KDM6A: variants seen among roughly 807,000 people sequenced by gnomAD.
The protein encoded by KDM6A is lysine demethylase 6A.
A neutral mutation model predicts 117.6 loss-of-function variants in KDM6A; 11 were observed. The ratio of observed to expected loss-of-function variants is 0.09; its 90% CI spans 0.06 to 0.15. The LOEUF is 0.15. Ranked by LOEUF, KDM6A falls within the 10% of genes least tolerant of loss-of-function variation. The probability of loss-of-function intolerance (pLI) is 1.00; values close to 1 mark genes in which losing one functional copy is unlikely to be tolerated. For missense variants in KDM6A, 799 were observed against 1,077.3 expected, an observed-to-expected ratio of 0.74 and a Z score of 3.62; for synonymous variants, 384 against 396.1, an observed-to-expected ratio of 0.97 and a Z score of 0.36.
rs1272715795 is a variant in KDM6A at position 45,111,638 on chromosome X, C to T, written c.*227C>T. The T allele has an allele frequency of 5.2e-6, 2 of 383,908 alleles. No individual in the cohort carries two copies. Among genetic ancestry groups the T allele is most frequent in the Non-Finnish European group, 9.1e-6 (2 of 218,854 alleles). The allele number at this position is 383,908 out of a possible 1,213,427, so 31.6% of individuals were successfully genotyped here. A position where few individuals can be genotyped will look rare whatever the true frequency, so the allele number is the denominator to read the frequency against. ...TACTTCAGAAAAAAATAATAATTTC[C>T]ATGTTTTGTATATATCTGACAAAAC... On this transcript the variant is annotated 3_prime_UTR_variant, in exon 30 of 30. Coordinates refer to ENST00000611820, the MANE Select transcript of KDM6A (RefSeq NM_001291415.2).
chrX:44,953,483 G>T (rs776628105), intron 2 of KDM6A, among the ~76,000 whole-genome samples: 3 of 112,186 alleles, frequency 2.7e-5, no homozygotes, highest in African/African-American at 9.7e-5. Context: ...AGAATCTGAA[G>T]CAAGTCACAA....
chrX:44,897,216 C>T (rs1396822848), intron 2 of KDM6A, among the ~76,000 whole-genome samples: 6 of 95,002 alleles, frequency 6.3e-5, no homozygotes, highest in Non-Finnish European at 1.2e-4. Context: ...CTGACTCTGT[C>T]GTCTATCATT....
chrX:44,990,674 C>T (rs976832450), intron 4 of KDM6A, among the ~76,000 whole-genome samples: 15 of 111,885 alleles, frequency 1.3e-4, no homozygotes, highest in African/African-American at 4.9e-4. Flanking sequence ...TTACATCTTA[C>T]ACTTCTATTG....
chrX:45,047,366 T>A (rs2147885474), intron 8 of KDM6A, among the ~76,000 whole-genome samples: 1 of 95,836 alleles, frequency 1.0e-5, no homozygotes, highest in East Asian at 2.9e-4. Flanking sequence ...ACATCTTAGA[T>A]GCTTTCTTTT....
At position 44,979,430 on chromosome X, in the gene KDM6A, TATC is replaced by T. The variant is rs2039778547; in HGVS notation, c.384+4716_384+4718del. ...TCCTTTCCTTCCTGTTGTTCTTCCT[TATC>T]TTCTTCCTCTTCTTCATTGAGTTTT... is the stretch of plus-strand genomic sequence containing the variant. On this transcript the variant is annotated intron_variant, in intron 4 of 29. Transcript: ENST00000611820. Among the ~76,000 whole-genome samples the T allele has an allele frequency of 4.6e-5, 5 of 109,528 alleles. No homozygotes were observed. In the Admixed American group the frequency reaches 4.9e-4, roughly 11 times the overall value.
chrX:44,875,420 C>T (rs2031405493), intron 2 of KDM6A, among the ~76,000 whole-genome samples: 3 of 111,324 alleles, frequency 2.7e-5, no homozygotes, highest in African/African-American at 9.8e-5. Flanking sequence ...AAGCCCGGCC[C>T]CTTTGACCGA....
At chrX:45,003,541 G>T (rs2041259432) in intron 4 of KDM6A, among the ~76,000 whole-genome samples, 1 of 110,319 alleles carries the variant, frequency 9.1e-6, no homozygotes, top group South Asian at 3.9e-4. Context: ...GTTGTCAGTG[G>T]CCTCAGTGCT....
At chrX:45,100,876 G>T (rs190512890) in intron 27 of KDM6A, among the ~76,000 whole-genome samples, 2 of 105,630 alleles carry the variant, frequency 1.9e-5, no homozygotes, top group East Asian at 6.0e-4. Context: ...ATAAAGACAG[G>T]ATCTCCCCAT....
At chrX:44,886,883 C>T (rs1409841559) in intron 2 of KDM6A, among the ~76,000 whole-genome samples, 6 of 107,753 alleles carry the variant, frequency 5.6e-5, no homozygotes, top group African/African-American at 2.0e-4. Flanking sequence ...AATTTGGGTT[C>T]TTGATTAGTT....
intron 8 of KDM6A, among the ~76,000 whole-genome samples, chrX:45,042,052 C>T (rs1186565367): frequency 1.8e-5 from 2 of 110,261 alleles, no homozygotes; most frequent in Admixed American, 9.4e-5. Flanking sequence ...GAGCTGGAGA[C>T]CAGCCCGGTC....
At chrX:44,973,354 A>G (rs1278356241) in intron 3 of KDM6A, among the ~76,000 whole-genome samples, 2 of 111,536 alleles carry the variant, frequency 1.8e-5, no homozygotes, top group African/African-American at 3.3e-5. Context: ...CCTGCTTTCA[A>G]TAAACCATAT....
chrX:44,962,179 G>A (rs2038705120), intron 3 of KDM6A, among the ~76,000 whole-genome samples: 1 of 112,010 alleles, frequency 8.9e-6, no homozygotes, highest in Admixed American at 9.5e-5. Context: ...TAGTTTCAGG[G>A]CTAAAGTGAA....
At position 45,085,853 on chromosome X, in the gene KDM6A, T is replaced by C; in HGVS notation, c.3590-12T>C. ...CACTGGAGCTCCAATTTTTTTTCTT[T>C]TCACATTTCAGGTCATCAGGAAAAT... On this transcript the variant is annotated splice_polypyrimidine_tract_variant and intron_variant, in intron 24 of 29. Transcript: ENST00000611820. The C allele has an allele frequency of 8.9e-7, 1 of 1,126,654 alleles. No individual in the cohort carries two copies. The highest frequency in any genetic ancestry group is 1.2e-6 in the Non-Finnish European group (1 of 818,121). 92.8% of individuals were successfully genotyped at this position (1,126,654 alleles called of 1,213,427 possible).
In KDM6A at chrX:45,107,441, C is replaced by T. The variant is rs1166135349; in HGVS notation, c.4066C>T (p.Gln1356Ter). Residue 1356 changes from glutamine to a stop codon, truncating the protein, a stop_gained, in exon 28 of 30, where the codon CAG becomes TAG. Transcript: ENST00000611820. LOFTEE classifies it high-confidence loss of function. ...YCLLRTLKQCQTLREALIAAG... is the reference protein window; with the variant it reads ...YCLLRTLKQC ...TCTTCTAAGAACTCTGAAGCAATGTCAGACATTGAGGGAAGCTCTCATTGC... is the reference window on the plus strand; with the variant it reads ...TCTTCTAAGAACTCTGAAGCAATGTTAGACATTGAGGGAAGCTCTCATTGC... 8.3e-7 allele frequency: 1 copy of T among 1,207,925 alleles called. No homozygotes were observed. The highest frequency in any genetic ancestry group is 1.1e-6 in the Non-Finnish European group (1 of 892,266).
intron 2 of KDM6A, among the ~76,000 whole-genome samples, chrX:44,945,362 G>A (rs1163380283): frequency 5.4e-5 from 6 of 110,781 alleles, no homozygotes; most frequent in Non-Finnish European, 7.5e-5. Flanking sequence ...TTTGTTTCAC[G>A]TTTCTTTAGT....
intron 4 of KDM6A, among the ~76,000 whole-genome samples, chrX:45,000,332 C>G (rs1256173975): frequency 8.9e-6 from 1 of 112,033 alleles, no homozygotes; most frequent in African/African-American, 3.3e-5. Context: ...TGGTATTCCC[C>G]GTGGGACTCC....
intron 6 of KDM6A, among the ~76,000 whole-genome samples, chrX:45,021,902 C>T (rs1227215053): frequency 8.9e-6 from 1 of 111,842 alleles, no homozygotes; most frequent in African/African-American, 3.3e-5. Context: ...TTTCTGACAC[C>T]ATACTGTGGG....
At chrX:44,999,415 C>G (rs1446899749) in intron 4 of KDM6A, among the ~76,000 whole-genome samples, 1 of 110,403 alleles carries the variant, frequency 9.1e-6, no homozygotes, top group East Asian at 2.8e-4. Flanking sequence ...TTCTGATTGG[C>G]TAAAGAGAGT....
At chrX:44,997,492 C>G (rs777384459) in intron 4 of KDM6A, among the ~76,000 whole-genome samples, 58 of 111,866 alleles carry the variant, frequency 5.2e-4, no homozygotes, top group Non-Finnish European at 9.2e-4. Flanking sequence ...ATGTGTTCCT[C>G]TCGCCATCTA....
Sources: gnomAD v4.1 joint callset for allele counts (sites outside exome capture counted in the v4.1 genomes callset) on GRCh38, gnomAD v4.1.1 for gene constraint, MANE v1.5 for transcripts, NCBI Gene and HGNC (gene_info 2026-07-23, HGNC 2026-07-21) for gene names.